CSMD1: variants seen among roughly 807,000 people sequenced by gnomAD.
CSMD1 encodes CUB and sushi domain-containing protein 1.
Under a neutral mutation model 417.5 loss-of-function variants are expected in CSMD1, and 213 were observed. The ratio of observed to expected loss-of-function variants is 0.51; its 90% confidence interval spans 0.46 to 0.57. CSMD1 has a LOEUF of 0.57. Ranked by LOEUF, CSMD1 falls within the 20% of genes least tolerant of loss-of-function variation. CSMD1 has a pLI of 0.00. For missense variants in CSMD1, 6,923 were observed against 4,529.7 expected (o/e 1.53, Z -15.17); for synonymous variants, 2,862 against 1,736.8 (o/e 1.65, Z -16.11).
At chr8:3,193,948 T>G (rs983781) in intron 33 of CSMD1, among the ~76,000 whole-genome samples, 33,487 of 152,094 alleles carry the variant, frequency 0.22, 3,734 homozygotes, top group Admixed American at 0.27. Flanking sequence ...ACAACAATCA[T>G]AAAATAAATC....
chr8:4,950,520 A>T (rs1397081744), intron 1 of CSMD1, among the ~76,000 whole-genome samples: 1 of 152,306 alleles, frequency 6.6e-6, no homozygotes, highest in Non-Finnish European at 1.5e-5. Context: ...ACACTACTTT[A>T]TTCATAAAAA....
At chr8:4,872,984 G>A (rs2116922046) in intron 1 of CSMD1, among the ~76,000 whole-genome samples, 1 of 152,128 alleles carries the variant, frequency 6.6e-6, no homozygotes, top group Admixed American at 6.5e-5. Flanking sequence ...TATATTTAAG[G>A]TGTACAGTGT....
At chr8:4,978,344 G>A (rs557714288) in intron 1 of CSMD1, among the ~76,000 whole-genome samples, 1 of 152,084 alleles carries the variant, frequency 6.6e-6, no homozygotes, top group Non-Finnish European at 1.5e-5. Flanking sequence ...GGAATCTAAA[G>A]CCAGAAGGAA....
chr8:3,588,901 T>A (rs1421222216), intron 8 of CSMD1, among the ~76,000 whole-genome samples: 1 of 151,994 alleles, frequency 6.6e-6, no homozygotes, highest in Non-Finnish European at 1.5e-5. Context: ...AAATCACCCA[T>A]GTAACATATG....
At chr8:3,351,121 A>G (rs1808393346) in intron 21 of CSMD1, among the ~76,000 whole-genome samples, 3 of 152,356 alleles carry the variant, frequency 2.0e-5, no homozygotes, top group South Asian at 2.1e-4. Flanking sequence ...CCTGAGATGC[A>G]ATTAAGATTT....
intron 2 of CSMD1, among the ~76,000 whole-genome samples, chr8:4,519,853 G>A (rs868326694): frequency 2.4e-4 from 34 of 144,434 alleles, no homozygotes; most frequent in Middle Eastern, 3.8e-3. Context: ...ATAGGATGAC[G>A]AAATTCACTA....
chr8:4,298,221 CTT>C (rs950184110), intron 3 of CSMD1, among the ~76,000 whole-genome samples: 4 of 152,164 alleles, frequency 2.6e-5, no homozygotes, highest in African/African-American at 9.6e-5. Flanking sequence ...TAATGCCAAT[CTT>C]TGCTTCCTGT....
At chr8:4,514,676 A>T (rs1803019640) in intron 2 of CSMD1, among the ~76,000 whole-genome samples, 1 of 152,222 alleles carries the variant, frequency 6.6e-6, no homozygotes, top group Non-Finnish European at 1.5e-5. Context: ...TCAACTACAT[A>T]AATAGAGTAC....
Position 4,787,308 on chromosome 8 carries a change from G to A in CSMD1, c.86-149750C>T, listed in dbSNP as rs998665441. The A allele has an allele frequency of 7.8e-5, 55 of 702,770 alleles. 1 individual carries two copies. The East Asian group carries it at 1.4e-3, about 18-fold the overall frequency. 43.5% of individuals were successfully genotyped at this position (702,770 alleles called of 1,614,324 possible). ...CTCTGCCTCACTTACCGGCGCGGTC[G>A]CAGCCCTCAGCCCACTCAGGATAAT... On this transcript the variant is annotated intron_variant, in intron 1 of 69. Coordinates refer to ENST00000635120, the MANE Select transcript of CSMD1 (RefSeq NM_033225.6).
At chr8:3,165,593 G>A (rs1176480767) in intron 37 of CSMD1, among the ~76,000 whole-genome samples, 8 of 151,874 alleles carry the variant, frequency 5.3e-5, no homozygotes, top group Non-Finnish European at 7.4e-5. Context: ...CACCACGCCC[G>A]GCTAATTTTT....
intron 4 of CSMD1, among the ~76,000 whole-genome samples, chr8:4,029,784 C>G (rs994017061): frequency 6.6e-6 from 1 of 152,162 alleles, no homozygotes; most frequent in South Asian, 2.1e-4. Flanking sequence ...TGAGACAAAA[C>G]AAGTATCTTC....
chr8:3,941,520 CTTAGTT>C (rs1016793137), intron 5 of CSMD1, among the ~76,000 whole-genome samples: 4 of 152,114 alleles, frequency 2.6e-5, no homozygotes, highest in African/African-American at 4.8e-5. Context: ...TTTAAATGTG[CTTAGTT>C]TTAAAGTGCT....
intron 1 of CSMD1, among the ~76,000 whole-genome samples, chr8:4,834,552 T>A (rs181624850): frequency 6.6e-6 from 1 of 151,392 alleles, no homozygotes; most frequent in African/African-American, 2.4e-5. Context: ...AAACAACCAA[T>A]AGAAGGGAAG....
chr8:3,272,305 C>A (rs1373562673), intron 26 of CSMD1, among the ~76,000 whole-genome samples: 1 of 145,674 alleles, frequency 6.9e-6, no homozygotes, highest in East Asian at 2.0e-4. Context: ...TGTTTTGGTA[C>A]CAGTACCATG....
At chr8:3,520,069 G>A (rs1471808223) in intron 10 of CSMD1, among the ~76,000 whole-genome samples, 1 of 143,700 alleles carries the variant, frequency 7.0e-6, no homozygotes, top group East Asian at 2.0e-4. Context: ...TTGCTCCACA[G>A]TAATAATAGT....
intron 2 of CSMD1, among the ~76,000 whole-genome samples, chr8:4,449,611 C>A (rs1365049750): frequency 6.6e-6 from 1 of 152,112 alleles, no homozygotes; most frequent in African/African-American, 2.4e-5. Flanking sequence ...ATATTCACTG[C>A]TGTAGCCAGA....
At chr8:4,371,542 A>C (rs1206239570) in intron 3 of CSMD1, among the ~76,000 whole-genome samples, 1 of 152,196 alleles carries the variant, frequency 6.6e-6, no homozygotes, top group Non-Finnish European at 1.5e-5. Context: ...ATATCGTTAT[A>C]AATTTTTTAA....
At chr8:4,204,736 C>G (rs528826659) in intron 3 of CSMD1, among the ~76,000 whole-genome samples, 1 of 152,176 alleles carries the variant, frequency 6.6e-6, no homozygotes, top group Non-Finnish European at 1.5e-5. Context: ...CTCACTGCAG[C>G]CTCAACCTCC....
chr8:3,183,170 T>G (rs888200208), intron 36 of CSMD1: 1 of 134,668 alleles, frequency 7.4e-6, no homozygotes, highest in African/African-American at 2.7e-5. Flanking sequence ...AAACATCGAG[T>G]AGGTCTCTAA....
Sources: gnomAD v4.1 joint callset for allele counts (sites outside exome capture counted in the v4.1 genomes callset) on GRCh38, gnomAD v4.1.1 for gene constraint, MANE v1.5 for transcripts, NCBI Gene and HGNC (gene_info 2026-07-23, HGNC 2026-07-21) for gene names.